The following TMEM108 variants were observed in gnomAD, a reference collection of about 807,000 sequenced individuals.
TMEM108 encodes transmembrane protein 108.
Under a neutral mutation model 35.1 loss-of-function variants are expected in TMEM108, and 12 were observed. The ratio of observed to expected loss-of-function variants is 0.34; its 90% CI spans 0.22 to 0.55. TMEM108 has a LOEUF of 0.55. TMEM108 is among the 20% of genes least tolerant of loss of function. The probability of loss-of-function intolerance (pLI) is 0.89; values close to 1 mark genes in which losing one functional copy is unlikely to be tolerated. For missense variants in TMEM108, 680 were observed against 753.3 expected (o/e 0.90, Z 1.14); for synonymous variants, 287 against 308.6 (o/e 0.93, Z 0.73).
chr3:133,236,785 C>T (rs561641345), intron 3 of TMEM108, among the ~76,000 whole-genome samples: 1 of 152,192 alleles, frequency 6.6e-6, no homozygotes, highest in East Asian at 1.9e-4. Flanking sequence ...ACTGACATTT[C>T]CCCTCTCTTT....
intron 3 of TMEM108, among the ~76,000 whole-genome samples, chr3:133,334,508 G>T (rs940413572): frequency 6.6e-6 from 1 of 152,166 alleles, no homozygotes; most frequent in Non-Finnish European, 1.5e-5. Context: ...CATGGGATCA[G>T]CCAGGAGGAC....
chr3:133,119,760 A>G (rs1944329851), intron 2 of TMEM108, among the ~76,000 whole-genome samples: 1 of 152,200 alleles, frequency 6.6e-6, no homozygotes, highest in South Asian at 2.1e-4. Context: ...ATAAAACTCC[A>G]TTTTTAAAAA....
At chr3:133,307,486 A>G (rs1201852980) in intron 3 of TMEM108, among the ~76,000 whole-genome samples, 1 of 152,116 alleles carries the variant, frequency 6.6e-6, no homozygotes, top group Non-Finnish European at 1.5e-5. Context: ...TTTTTCTTCT[A>G]GGGTTTTTAT....
intron 2 of TMEM108, among the ~76,000 whole-genome samples, chr3:133,078,140 A>AGT (rs745912251): frequency 0.015 from 1,569 of 106,242 alleles, 22 homozygotes; most frequent in Middle Eastern, 0.033. Context: ...TATGGAGCTC[A>AGT]GTGTGTGTGT....
At chr3:133,387,998 C>T in intron 4 of TMEM108, 5 of 985,440 alleles carry the variant, frequency 5.1e-6, no homozygotes, top group Non-Finnish European at 6.0e-6. Context: ...CCCCTGCCAG[C>T]CTGTGTTCTG....
intron 3 of TMEM108, among the ~76,000 whole-genome samples, chr3:133,328,680 C>T (rs2071359425): frequency 6.6e-6 from 1 of 152,216 alleles, no homozygotes; most frequent in Non-Finnish European, 1.5e-5. Context: ...CACCCTCTCT[C>T]ATCTCATGCT....
At chr3:133,144,316 GGTTGCATA>G (rs1481337209) in intron 2 of TMEM108, among the ~76,000 whole-genome samples, 1 of 152,098 alleles carries the variant, frequency 6.6e-6, no homozygotes, top group African/African-American at 2.4e-5. Context: ...CCTTTTTAAT[GGTTGCATA>G]GTATTCCATG....
intron 2 of TMEM108, among the ~76,000 whole-genome samples, chr3:133,209,903 C>G (rs1250550081): frequency 1.3e-5 from 2 of 152,040 alleles, no homozygotes; most frequent in Non-Finnish European, 2.9e-5. Context: ...TTTTCAGTCA[C>G]TATCTCCTTA....
chr3:133,273,208 T>C (rs1204314348), intron 3 of TMEM108, among the ~76,000 whole-genome samples: 2 of 152,164 alleles, frequency 1.3e-5, no homozygotes, highest in Non-Finnish European at 2.9e-5. Flanking sequence ...ATAACCCTAG[T>C]CTTAAAAGAG....
intron 3 of TMEM108, among the ~76,000 whole-genome samples, chr3:133,369,966 A>T (rs528856236): frequency 8.3e-4 from 126 of 152,292 alleles, no homozygotes; most frequent in African/African-American, 2.9e-3. Context: ...TTAAAAATAT[A>T]TTTTTAAAAT....
At chr3:133,160,442 C>T (rs1167807502) in intron 2 of TMEM108, among the ~76,000 whole-genome samples, 4 of 152,196 alleles carry the variant, frequency 2.6e-5, no homozygotes, top group Non-Finnish European at 5.9e-5. Flanking sequence ...CTAAGTTCCA[C>T]GCTGTGTTTT....
intron 4 of TMEM108, among the ~76,000 whole-genome samples, chr3:133,386,088 C>CT (rs2073141810): frequency 6.6e-6 from 1 of 152,178 alleles, no homozygotes; most frequent in African/African-American, 2.4e-5. Flanking sequence ...AGTGGGAGTC[C>CT]TTAAGCCATT....
chr3:133,214,909 G>A (rs1945884293), intron 2 of TMEM108, among the ~76,000 whole-genome samples: 1 of 152,028 alleles, frequency 6.6e-6, no homozygotes, highest in Non-Finnish European at 1.5e-5. Context: ...ATCTGAGGTG[G>A]GACAGTTTCA....
At chr3:133,220,438 A>C (rs1382514734) in intron 2 of TMEM108, among the ~76,000 whole-genome samples, 1 of 152,110 alleles carries the variant, frequency 6.6e-6, no homozygotes, top group Non-Finnish European at 1.5e-5. Context: ...CACCATGCCC[A>C]GCTTATGTTT....
At chr3:133,108,663 C>T (rs1944188397) in intron 2 of TMEM108, among the ~76,000 whole-genome samples, 1 of 152,006 alleles carries the variant, frequency 6.6e-6, no homozygotes, top group South Asian at 2.1e-4. Flanking sequence ...GTTTCCATTG[C>T]TTTTGGTGTT....
intron 2 of TMEM108, among the ~76,000 whole-genome samples, chr3:133,106,030 C>A (rs929228645): frequency 6.6e-6 from 1 of 152,026 alleles, no homozygotes; most frequent in Non-Finnish European, 1.5e-5. Context: ...AGATCCTGCC[C>A]TCACGGAATT....
At chr3:133,319,492 A>G (rs983230544) in intron 3 of TMEM108, among the ~76,000 whole-genome samples, 1 of 152,214 alleles carries the variant, frequency 6.6e-6, no homozygotes. Flanking sequence ...ATCTAATTCC[A>G]TTGCATGCAA....
At chr3:133,240,081 CATTTTAGAACTTG>C in intron 3 of TMEM108, among the ~76,000 whole-genome samples, 1 of 152,274 alleles carries the variant, frequency 6.6e-6, no homozygotes, top group East Asian at 1.9e-4. Flanking sequence ...GCAGCTGTCT[CATTTTAGAACTTG>C]ATTTTATAAG....
intron 2 of TMEM108, among the ~76,000 whole-genome samples, chr3:133,155,640 C>G (rs755977053): frequency 1.3e-5 from 2 of 152,004 alleles, no homozygotes; most frequent in Non-Finnish European, 2.9e-5. Flanking sequence ...GCTTTTTGGC[C>G]ACATGTATAT....
Sources: allele counts gnomAD v4.1 joint callset (sites outside exome capture counted in the v4.1 genomes callset), GRCh38; gene constraint gnomAD v4.1.1; transcripts MANE v1.5; gene names NCBI Gene and HGNC (gene_info 2026-07-23, HGNC 2026-07-21).